Variants in TNFRSF11A observed in about 807,000 individuals in gnomAD.
TNFRSF11A encodes the protein TNF receptor superfamily member 11a.
TNFRSF11A carries 32 observed loss-of-function variants against 55.7 expected under a neutral mutation model. That is an observed-to-expected ratio of 0.57 (90% CI 0.43 to 0.77). The LOEUF (loss-of-function observed/expected upper bound fraction) is 0.77, where lower values mean the gene tolerates loss of function less well. TNFRSF11A is among the 30% of genes least tolerant of loss of function. The pLI is 0.00. For missense variants in TNFRSF11A, 753 were observed against 809.8 expected (o/e 0.93, Z 0.85); for synonymous variants, 311 against 331.0 (o/e 0.94, Z 0.65).
intron 1 of TNFRSF11A, among the ~76,000 whole-genome samples, chr18:62,337,625 G>C (rs2046253902): frequency 6.6e-6 from 1 of 152,140 alleles, no homozygotes; most frequent in Non-Finnish European, 1.5e-5. Flanking sequence ...TTGTTCCCTG[G>C]CTTTAAGCAG....
chr18:62,335,868 TTTA>T (rs1020856526), intron 1 of TNFRSF11A, among the ~76,000 whole-genome samples: 4 of 152,222 alleles, frequency 2.6e-5, no homozygotes, highest in African/African-American at 9.6e-5. Context: ...AGAAAAATTA[TTTA>T]TTAATTTATC....
intron 5 of TNFRSF11A, among the ~76,000 whole-genome samples, 159 bp from the exon 6 acceptor site, chr18:62,359,796 T>C (rs988616879): frequency 1.3e-5 from 2 of 152,242 alleles, no homozygotes; most frequent in African/African-American, 4.8e-5. Flanking sequence ...CACCTTGTGC[T>C]GTTCTCCTCC....
Position 62,325,586 on chromosome 18 carries a change from G to A in TNFRSF11A, c.75+159G>A, listed in dbSNP as rs2046060760. Among the ~76,000 whole-genome samples, 1 of 152,024 alleles carries A rather than the reference G, an allele frequency of 6.6e-6. No homozygotes were observed. The highest frequency in any genetic ancestry group is 1.5e-5 in the Non-Finnish European group (1 of 67,958). Reference sequence around the variant, plus strand: ...GGGAAGCTGGGGAGGCGCTTCCAGAGTTGGACGGCGGAGGGCGGGAAAGGG... The same window carrying A: ...GGGAAGCTGGGGAGGCGCTTCCAGAATTGGACGGCGGAGGGCGGGAAAGGG... On this transcript the variant is annotated intron_variant, in intron 1 of 9. Coordinates refer to ENST00000586569, the MANE Select transcript of TNFRSF11A (RefSeq NM_003839.4). This position sits in a 1 kb window ranked among gnomAD's most constrained non-coding sequence, Gnocchi z 4.7.
Position 62,368,725 on chromosome 18 carries a change from A to G in TNFRSF11A, c.808A>G (p.Ser270Gly). The change falls in exon 9 of 10, where the codon AGT becomes GGT. Residue 270 changes from serine (S) to glycine (G), a missense_variant. Ser to Gly is a moderately conservative substitution (Grantham distance 56). Coordinates refer to ENST00000586569, the MANE Select transcript of TNFRSF11A (RefSeq NM_003839.4). ...GGAGTCCTCAGGTGACAGTTGTGTC[A>G]GTACACACACGGCAAACTTTGGTCA... Reference protein sequence around the residue: ...DKESSGDSCVSTHTANFGQQG... With the variant: ...DKESSGDSCVGTHTANFGQQG... 6.2e-7 allele frequency: 1 copy of G among 1,614,240 alleles called. No homozygotes were observed. The highest frequency in any genetic ancestry group is 8.5e-7 in the Non-Finnish European group (1 of 1,180,044).
chr18:62,380,031 G>T (rs1911158306), intron 9 of TNFRSF11A, among the ~76,000 whole-genome samples: 1 of 152,194 alleles, frequency 6.6e-6, no homozygotes, highest in Non-Finnish European at 1.5e-5. Context: ...GCGCCTTCAG[G>T]ACTGGTGACA....
chr18:62,359,410 C>T (rs1909504368), intron 5 of TNFRSF11A, among the ~76,000 whole-genome samples: 1 of 151,992 alleles, frequency 6.6e-6, no homozygotes, highest in Non-Finnish European at 1.5e-5. Context: ...GACATGATCT[C>T]GCTCTGTTGC....
intron 1 of TNFRSF11A, among the ~76,000 whole-genome samples, chr18:62,334,445 C>G (rs2046201067): frequency 6.6e-6 from 1 of 152,168 alleles, no homozygotes; most frequent in Non-Finnish European, 1.5e-5. Flanking sequence ...GTGTTCATCC[C>G]ACTCCCACCA....
rs1911369534 is a variant in TNFRSF11A at position 62,382,585 on chromosome 18, T to C, written c.1568-2166T>C. Reference sequence around the variant, plus strand: ...CTCTGTGGCCCTGGGAACTGTCTCATTGTCATATTTGTGTTCTAGAATATT... The same window carrying C: ...CTCTGTGGCCCTGGGAACTGTCTCACTGTCATATTTGTGTTCTAGAATATT... On this transcript the variant is annotated intron_variant, in intron 9 of 9. Coordinates refer to ENST00000586569, the MANE Select transcript of TNFRSF11A (RefSeq NM_003839.4). 3.3e-5 allele frequency among the ~76,000 whole-genome samples: 5 copies of C among 152,338 alleles called. No individual in the cohort carries two copies. In the South Asian group the frequency reaches 6.2e-4, roughly 19 times the overall value.
chr18:62,354,898 G>T (rs1290734298), intron 4 of TNFRSF11A, among the ~76,000 whole-genome samples: 1 of 152,094 alleles, frequency 6.6e-6, no homozygotes. Context: ...TAGAATTTTG[G>T]AAAAACCATG....
chr18:62,350,053 G>A lies in TNFRSF11A; in HGVS notation c.283+116G>A, dbSNP rs995746452. The stretch of plus-strand genomic sequence containing the variant: ...TTTCGTTTCAGGAACATGAAAGGAA[G>A]TTGTGACTACACATCCCAAGAAAGA... On this transcript the variant is annotated intron_variant, in intron 3 of 9. Coordinates refer to ENST00000586569, the MANE Select transcript of TNFRSF11A (RefSeq NM_003839.4). 3 of 1,417,370 alleles carry A rather than the reference G, an allele frequency of 2.1e-6. No individual in the cohort carries two copies. In the South Asian group the frequency reaches 3.6e-5, roughly 17 times the overall value. 87.8% of individuals were successfully genotyped at this position (1,417,370 alleles called of 1,614,324 possible).
intron 4 of TNFRSF11A, among the ~76,000 whole-genome samples, chr18:62,355,559 G>A (rs1055196585): frequency 6.6e-6 from 1 of 152,136 alleles, no homozygotes; most frequent in African/African-American, 2.4e-5. Flanking sequence ...TGGGATTATA[G>A]GCATGAGCCA....
chr18:62,350,167 A>G (rs561880385), intron 3 of TNFRSF11A, among the ~76,000 whole-genome samples: 2 of 152,334 alleles, frequency 1.3e-5, no homozygotes, highest in East Asian at 1.9e-4. Flanking sequence ...TAATCATGGG[A>G]CACATCATAG....
At chr18:62,349,606 G>A (rs900995801) in intron 2 of TNFRSF11A, among the ~76,000 whole-genome samples, 1 of 152,168 alleles carries the variant, frequency 6.6e-6, no homozygotes, top group Non-Finnish European at 1.5e-5. Context: ...AGCCAGCTGC[G>A]TGGCCTGAGG....
In TNFRSF11A at chr18:62,384,932, G is replaced by A; in HGVS notation, c.1749G>A (p.Gly583=). 1 of 1,547,382 alleles carries A rather than the reference G, an allele frequency of 6.5e-7. No homozygotes were observed. The highest frequency in any genetic ancestry group is 1.4e-5 in the African/African-American group (1 of 73,544). Residue 583 remains glycine, a synonymous_variant, in exon 10 of 10, where the codon GGG becomes GGA. Transcript: ENST00000586569. ...TGGCGCGCCGAGACTCCTTCGCGGGGAACGGCCCGCGCTTCCCGGACCCGT... is the reference window on the plus strand; with the variant it reads ...TGGCGCGCCGAGACTCCTTCGCGGGAAACGGCCCGCGCTTCCCGGACCCGT... ...ETLARRDSFA[G]NGPRFPDPCG... is the part of the protein sequence containing the mutation.
At chr18:62,358,000 T>C (rs893046901) in intron 4 of TNFRSF11A, 1 of 501,654 alleles carries the variant, frequency 2.0e-6, no homozygotes, top group Non-Finnish European at 3.6e-6. Context: ...TGGCCTGACA[T>C]CAAGTCAGTT....
rs372125235 is a variant in TNFRSF11A at position 62,371,376 on chromosome 18, C to G, written c.1567+1892C>G. 9.2e-5 allele frequency among the ~76,000 whole-genome samples: 14 copies of G among 152,298 alleles called. No individual in the cohort carries two copies. In the East Asian group the frequency reaches 9.6e-4, roughly 10 times the overall value. On this transcript the variant is annotated intron_variant, in intron 9 of 9. Transcript: ENST00000586569. ...CCAGATTTAAAGAGAGAGAGAGAGA[C>G]ACATGGATCTTTTAATGCCATAAAA...
intron 8 of TNFRSF11A, 81 bp downstream of exon 8, chr18:62,366,841 C>A: frequency 7.7e-7 from 1 of 1,300,022 alleles, no homozygotes; most frequent in Non-Finnish European, 1.1e-6. Flanking sequence ...ACATATTGAG[C>A]ACCCCCCCCC....
At chr18:62,354,836 C>T (rs1473952548) in intron 4 of TNFRSF11A, among the ~76,000 whole-genome samples, 1 of 152,160 alleles carries the variant, frequency 6.6e-6, no homozygotes, top group East Asian at 1.9e-4. Context: ...CACTTAGGAG[C>T]CAGCAGGATA....
rs527922960 is a variant in TNFRSF11A at position 62,341,453 on chromosome 18, G to T, written c.76-6715G>T. ...GTCAGGCCTTGAGAACTTGTCTCTG[G>T]GTACCCAGTTTATCTTTTCCATCAT... is the stretch of plus-strand genomic sequence containing the variant. On this transcript the variant is annotated intron_variant, in intron 1 of 9. Coordinates refer to ENST00000586569, the MANE Select transcript of TNFRSF11A (RefSeq NM_003839.4). Among the ~76,000 whole-genome samples the T allele has an allele frequency of 5.3e-5, 8 of 152,296 alleles. No homozygotes were observed. In the East Asian group the frequency reaches 1.3e-3, roughly 26 times the overall value.
Sources: gnomAD v4.1 joint callset for allele counts (sites outside exome capture counted in the v4.1 genomes callset) on GRCh38, gnomAD v4.1.1 for gene constraint, Gnocchi (gnomAD v3.1) non-coding constraint, MANE v1.5 for transcripts, NCBI Gene and HGNC (gene_info 2026-07-23, HGNC 2026-07-21) for gene names.